C14orf93: variants seen among roughly 807,000 people sequenced by gnomAD.
C14orf93 encodes the protein chromosome 14 open reading frame 93, also known as uncharacterized protein C14orf93.
Under a neutral mutation model 44.0 loss-of-function variants are expected in C14orf93, and 23 were observed. That is an observed-to-expected ratio of 0.52 (90% CI 0.38 to 0.74). The LOEUF (loss-of-function observed/expected upper bound fraction) is 0.74, where lower values mean the gene tolerates loss of function less well. Among genes scored for constraint, C14orf93 ranks in the 30% least tolerant of loss-of-function variants. The pLI is 0.00. For missense variants in C14orf93, 579 were observed against 678.9 expected, an observed-to-expected ratio of 0.85 and a Z score of 1.64; for synonymous variants, 253 against 265.7, an observed-to-expected ratio of 0.95 and a Z score of 0.46.
chr14:22,996,108 T>C lies in C14orf93; in HGVS notation c.758A>G (p.Asp253Gly), dbSNP rs878931408. Residue 253 changes from aspartate to glycine, a missense_variant, in exon 3 of 7, where the codon GAC (aspartate) becomes GGC (glycine). Asp to Gly is a moderately conservative substitution (Grantham distance 94, BLOSUM62 -1). Transcript: ENST00000299088. This position sits in a 1 kb window ranked among gnomAD's most constrained non-coding sequence, Gnocchi z 4.1. The stretch of plus-strand genomic sequence containing the variant: ...CAGCGCAGCAGCGGCATTGAGCATG[T>C]CCTCAGGGCGGGGTGGTGGCAGCTT... Reference protein sequence around the residue: ...GTKLPPPRPEDMLNAAAALDS... With the variant: ...GTKLPPPRPEGMLNAAAALDS... 3.7e-6 allele frequency: 6 copies of C among 1,614,014 alleles called. No individual in the cohort carries two copies. The South Asian group carries it at 5.5e-5, about 15-fold the overall frequency.
At chr14:22,988,088 C>T in intron 5 of C14orf93, 73 bp from the exon 6 acceptor site, 1 of 1,026,440 alleles carries the variant, frequency 9.7e-7, no homozygotes, top group Non-Finnish European at 1.5e-6. Flanking sequence ...TTTTTCTGCC[C>T]TAACACTATT....
chr14:22,987,173 ATG>A lies in C14orf93; in HGVS notation c.*40_*41del. The A allele has an allele frequency of 6.5e-7, 1 of 1,543,696 alleles. No individual in the cohort carries two copies. The highest frequency in any genetic ancestry group is 8.8e-7 in the Non-Finnish European group (1 of 1,139,778). On this transcript the variant is annotated 3_prime_UTR_variant, in exon 7 of 7. Transcript: ENST00000299088. The surrounding 1 kb of genome is among the most constrained non-coding windows in gnomAD (Gnocchi z 5.6). ...CCCCATGGCCACCTATTTCTGAGAC[ATG>A]GGGCATGGCGGAAGCCAGAGTTATT...
intron 1 of C14orf93, among the ~76,000 whole-genome samples, chr14:23,008,154 CAAAAAAA>C (rs55936083): frequency 8.8e-4 from 75 of 85,088 alleles, no homozygotes; most frequent in East Asian, 2.9e-3. Flanking sequence ...AACTCCGTTT[CAAAAAAA>C]AAAAAAAAAA....
At chr14:23,003,114 T>G (rs1276641514) in intron 1 of C14orf93, among the ~76,000 whole-genome samples, 2 of 152,220 alleles carry the variant, frequency 1.3e-5, no homozygotes, top group Non-Finnish European at 2.9e-5. Flanking sequence ...CTATTGTGAG[T>G]TCAATTTGTT....
chr14:22,993,812 T>A (rs1415454752), intron 3 of C14orf93: 1 of 152,212 alleles, frequency 6.6e-6, no homozygotes, highest in Non-Finnish European at 1.5e-5. Flanking sequence ...GTTCACAGGA[T>A]CCCTAGCAGC....
In C14orf93 at chr14:22,995,964, C is replaced by T. The variant is rs1242166141; in HGVS notation, c.902G>A (p.Arg301Gln). 14 of 1,597,180 alleles carry T rather than the reference C, an allele frequency of 8.8e-6. No individual in the cohort carries two copies. The highest frequency in any genetic ancestry group is 6.9e-5 in the Admixed American group (4 of 58,284). The change falls in exon 3 of 7, where the codon CGG (arginine) becomes CAG (glutamine). Residue 301 changes from arginine to glutamine, a missense_variant. By Grantham distance (43) the Arg-to-Gln change is conservative (BLOSUM62 1). Coordinates refer to ENST00000299088, the MANE Select transcript of C14orf93 (RefSeq NM_021944.4). ...CTCACTCACAGAGAGTACAAGATCC[C>T]GCTTGCGCCTGGAGTTCTTCTGCCC... ...GSGQKNSRRK[R>Q]DLVLSKLVHN...
At chr14:22,997,557 A>G (rs1397159662) in intron 2 of C14orf93, among the ~76,000 whole-genome samples, 2 of 152,078 alleles carry the variant, frequency 1.3e-5, no homozygotes, top group Non-Finnish European at 2.9e-5. Context: ...TCTCCTTTTC[A>G]TACTTCCATG....
chr14:23,004,529 AAAGG>A (rs2046531793), intron 1 of C14orf93, among the ~76,000 whole-genome samples: 1 of 152,184 alleles, frequency 6.6e-6, no homozygotes, highest in Non-Finnish European at 1.5e-5. Context: ...TACTCAAATG[AAAGG>A]AAGACAAAGT....
At chr14:23,008,192 G>A (rs2046732706) in intron 1 of C14orf93, among the ~76,000 whole-genome samples, 3 of 144,700 alleles carry the variant, frequency 2.1e-5, no homozygotes, top group Admixed American at 7.1e-5. Context: ...TCCCATCACT[G>A]TTGTGATCAC....
chr14:22,999,137 C>G lies in C14orf93; in HGVS notation c.-114G>C. On this transcript the variant is annotated 5_prime_UTR_variant, in exon 2 of 7. Transcript: ENST00000299088. The stretch of plus-strand genomic sequence containing the variant: ...CTCAATGAGGATGGTCAGAGGAGCC[C>G]AGGCCCCAAGCTGTAGGGTCTGTGA... 1 of 1,473,398 alleles carries G rather than the reference C, an allele frequency of 6.8e-7. No individual in the cohort carries two copies. The highest frequency in any genetic ancestry group is 9.0e-7 in the Non-Finnish European group (1 of 1,109,114). The allele number at this position is 1,473,398 out of a possible 1,614,324, so 91.3% of individuals were successfully genotyped here.
At chr14:22,994,717 G>T (rs2045867446) in intron 3 of C14orf93, among the ~76,000 whole-genome samples, 1 of 150,502 alleles carries the variant, frequency 6.6e-6, no homozygotes, top group Admixed American at 6.6e-5. Context: ...ATGGGAGTGA[G>T]ACCCTGTCTC....
intron 3 of C14orf93, among the ~76,000 whole-genome samples, chr14:22,994,410 G>C (rs1488643435): frequency 6.6e-6 from 1 of 151,770 alleles, no homozygotes; most frequent in African/African-American, 2.4e-5. Flanking sequence ...ACTCGGGAGG[G>C]TGAGGCAGGA....
At position 22,987,277 on chromosome 14, in the gene C14orf93, G is replaced by A. The variant is rs1211054228; in HGVS notation, c.1555C>T (p.His519Tyr). ...TTCAAGTCAGGACAGCAGGTTTTGTGGGGTTGGTCAAAAGATGGGGAGCCA... is the reference window on the plus strand; with the variant it reads ...TTCAAGTCAGGACAGCAGGTTTTGTAGGGTTGGTCAAAAGATGGGGAGCCA... ...APGSPSFDQP[H>Y]KTCCPDLNSF... The change falls in exon 7 of 7, where the codon CAC (histidine) becomes TAC (tyrosine). Residue 519 changes from histidine (H) to tyrosine (Y), a missense_variant. By Grantham distance (83) the His-to-Tyr change is moderately conservative. Coordinates refer to ENST00000299088, the MANE Select transcript of C14orf93 (RefSeq NM_021944.4). The surrounding 1 kb of genome is among the most constrained non-coding windows in gnomAD (Gnocchi z 5.6). 7 of 1,614,196 alleles carry A rather than the reference G, an allele frequency of 4.3e-6. No homozygotes were observed. The highest frequency in any genetic ancestry group is 5.9e-6 in the Non-Finnish European group (7 of 1,180,022).
intron 3 of C14orf93, 82 bp downstream of exon 3, chr14:22,995,863 TGGG>T: frequency 7.7e-7 from 1 of 1,304,758 alleles, no homozygotes; most frequent in Non-Finnish European, 1.0e-6. Flanking sequence ...TCATTCAATA[TGGG>T]AGGCCTAAAA....
intron 3 of C14orf93, among the ~76,000 whole-genome samples, chr14:22,994,822 T>C (rs1199193253): frequency 6.6e-6 from 1 of 152,170 alleles, no homozygotes; most frequent in Non-Finnish European, 1.5e-5. Context: ...TCTTCACTAT[T>C]GGCATTTTGA....
intron 3 of C14orf93, among the ~76,000 whole-genome samples, chr14:22,993,524 G>C (rs2045786580): frequency 6.6e-6 from 1 of 152,026 alleles, no homozygotes; most frequent in Admixed American, 6.6e-5. Flanking sequence ...GAATGTTTCA[G>C]AAAGTATTTG....
At chr14:23,007,322 C>T (rs975404481) in intron 1 of C14orf93, among the ~76,000 whole-genome samples, 2 of 152,218 alleles carry the variant, frequency 1.3e-5, no homozygotes, top group African/African-American at 4.8e-5. Context: ...GACTGTGAGG[C>T]TTTTTCAAGG....
At position 22,996,610 on chromosome 14, in the gene C14orf93, G is replaced by T. The variant is rs1223777430; in HGVS notation, c.598-342C>A. On this transcript the variant is annotated intron_variant, in intron 2 of 6. Coordinates refer to ENST00000299088, the MANE Select transcript of C14orf93 (RefSeq NM_021944.4). This position sits in a 1 kb window ranked among gnomAD's most constrained non-coding sequence, Gnocchi z 4.1. ...GTCTGAAAGGACTGGGTGAAGAAGT[G>T]ATGACAAGAAAGAAACCAAGCAAGA... is the stretch of plus-strand genomic sequence containing the variant. 6.6e-6 allele frequency among the ~76,000 whole-genome samples: 1 copy of T among 152,168 alleles called. No homozygotes were observed. The highest frequency in any genetic ancestry group is 1.5e-5 in the Non-Finnish European group (1 of 68,040).
intron 1 of C14orf93, chr14:23,005,541 A>G (rs538173665): frequency 2.6e-5 from 4 of 152,364 alleles, no homozygotes; most frequent in African/African-American, 9.6e-5. Flanking sequence ...TAAATTTCAA[A>G]TGATGGCAAC....
Sources: gnomAD v4.1 joint callset for allele counts (sites outside exome capture counted in the v4.1 genomes callset) on GRCh38, gnomAD v4.1.1 for gene constraint, Gnocchi (gnomAD v3.1) non-coding constraint, MANE v1.5 for transcripts, NCBI Gene and HGNC (gene_info 2026-07-23, HGNC 2026-07-21) for gene names.